Variants in KLHL1 observed in about 807,000 individuals in gnomAD.
KLHL1 encodes kelch like family member 1.
Under a neutral mutation model 77.7 loss-of-function variants are expected in KLHL1, and 47 were observed. The observed-to-expected ratio is 0.60, with a 90% CI of 0.48 to 0.77. The LOEUF (loss-of-function observed/expected upper bound fraction) is 0.77. KLHL1 is among the 30% of genes least tolerant of loss of function. KLHL1 has a pLI of 0.00. For synonymous variants in KLHL1, 360 were observed against 325.2 expected, an observed-to-expected ratio of 1.11 and a Z score of -1.15; for missense variants, 925 against 910.8, an observed-to-expected ratio of 1.02 and a Z score of -0.20.
At chr13:69,799,555 T>C (rs941873059) in intron 6 of KLHL1, among the ~76,000 whole-genome samples, 2 of 152,190 alleles carry the variant, frequency 1.3e-5, no homozygotes, top group Non-Finnish European at 2.9e-5. Flanking sequence ...TAGGAGCTCA[T>C]TTCCATCTTC....
At chr13:69,786,258 A>C (rs1490486042) in intron 7 of KLHL1, among the ~76,000 whole-genome samples, 2 of 152,212 alleles carry the variant, frequency 1.3e-5, no homozygotes, top group African/African-American at 2.4e-5. Context: ...AAAATCCTCA[A>C]TAAAATACTG....
intron 1 of KLHL1, among the ~76,000 whole-genome samples, chr13:70,023,522 C>A (rs1035553672): frequency 3.9e-5 from 6 of 151,914 alleles, no homozygotes; most frequent in African/African-American, 1.4e-4. Flanking sequence ...CTAACTGCCA[C>A]AAAATATTTT....
chr13:69,762,670 T>C (rs940012297), intron 7 of KLHL1, among the ~76,000 whole-genome samples: 2 of 148,762 alleles, frequency 1.3e-5, no homozygotes, highest in Admixed American at 6.9e-5. Context: ...CAGGGAAGTT[T>C]CTCCCCAGAA....
chr13:69,781,584 A>G (rs552400736), intron 7 of KLHL1, among the ~76,000 whole-genome samples: 1 of 152,088 alleles, frequency 6.6e-6, no homozygotes, highest in South Asian at 2.1e-4. Flanking sequence ...CTGCTCATTC[A>G]TGCTTGTTGT....
chr13:69,755,794 A>C (rs1874697044), intron 7 of KLHL1, among the ~76,000 whole-genome samples: 1 of 152,204 alleles, frequency 6.6e-6, no homozygotes, highest in Admixed American at 6.5e-5. Flanking sequence ...ATTAGATAAA[A>C]TTGAGGAAAT....
chr13:69,842,941 A>C (rs1030134504), intron 5 of KLHL1, among the ~76,000 whole-genome samples: 1 of 151,878 alleles, frequency 6.6e-6, no homozygotes, highest in African/African-American at 2.4e-5. Flanking sequence ...AGGCACTAAA[A>C]GACAAATATC....
chr13:70,059,154 C>A (rs1193308462), intron 1 of KLHL1, among the ~76,000 whole-genome samples: 1 of 140,580 alleles, frequency 7.1e-6, no homozygotes, highest in African/African-American at 2.8e-5. Flanking sequence ...ACAAATATTT[C>A]TTCTTTTTTT....
intron 4 of KLHL1, among the ~76,000 whole-genome samples, chr13:69,895,639 A>G (rs540310682): frequency 2.7e-4 from 41 of 152,036 alleles, no homozygotes; most frequent in Middle Eastern, 3.4e-3. Context: ...GGTTTCGCCA[A>G]GTGAAAATCA....
rs575836324 is a variant in KLHL1 at position 70,035,862 on chromosome 13, C to T, written c.498-60060G>A. Among the ~76,000 whole-genome samples the T allele has an allele frequency of 8.3e-4, 126 of 151,848 alleles. 1 individual carries two copies. Among genetic ancestry groups the T allele is most frequent in the African/African-American group, 3.0e-3 (123 of 41,462 alleles). Reference sequence around the variant, plus strand: ...TGGATATGTCTAGTATTTTAATTAACAATAATTCTCATCTATAGATGTAGA... The same window carrying T: ...TGGATATGTCTAGTATTTTAATTAATAATAATTCTCATCTATAGATGTAGA... On this transcript the variant is annotated intron_variant, in intron 1 of 10. Transcript: ENST00000377844.
At chr13:69,945,076 C>A (rs1214803305) in intron 3 of KLHL1, among the ~76,000 whole-genome samples, 4 of 148,704 alleles carry the variant, frequency 2.7e-5, no homozygotes, top group Non-Finnish European at 4.4e-5. Flanking sequence ...ACCTCCACCT[C>A]CCGGGTTCAA....
In KLHL1 at chr13:69,740,420, T is replaced by A; in HGVS notation, c.1776A>T (p.Thr592=). The A allele has an allele frequency of 6.2e-7, 1 of 1,607,848 alleles. No homozygotes were observed. The highest frequency in any genetic ancestry group is 8.5e-7 in the Non-Finnish European group (1 of 1,175,932). The part of the protein sequence containing the change: ...FVASMSIARS[T]VGVAALNGKL... ...TGCCATTCAATGCTGCTACACCAAC[T>A]GTGCTCCGAGCAATTGACATACTGG... Residue 592 remains threonine, a synonymous_variant, in exon 8 of 11, where the codon ACA becomes ACT. Coordinates refer to ENST00000377844, the MANE Select transcript of KLHL1 (RefSeq NM_020866.3).
rs77882787 is a variant in KLHL1, at chr13:69,992,955, C to G, written c.498-17153G>C. ...AAAACATGTACCTTTCTTACAGTGT[C>G]AGTAACTCAGCTGAAATTTTAAAAT... On this transcript the variant is annotated intron_variant, in intron 1 of 10. Transcript: ENST00000377844. Among the ~76,000 whole-genome samples, 14 of 151,604 alleles carry G rather than the reference C, an allele frequency of 9.2e-5. 1 individual carries two copies. In the East Asian group the frequency reaches 2.7e-3, roughly 29 times the overall value.
chr13:69,875,116 G>A (rs1306883419), intron 5 of KLHL1, among the ~76,000 whole-genome samples: 1 of 152,112 alleles, frequency 6.6e-6, no homozygotes, highest in East Asian at 1.9e-4. Context: ...CAAATCAACT[G>A]TGTCAAACAC....
At chr13:69,908,626 A>T (rs1256458516) in intron 4 of KLHL1, among the ~76,000 whole-genome samples, 1 of 151,480 alleles carries the variant, frequency 6.6e-6, no homozygotes, top group Non-Finnish European at 1.5e-5. Context: ...GAATTATTGC[A>T]TATGTTTTCA....
At chr13:69,880,905 T>C (rs976898010) in intron 5 of KLHL1, among the ~76,000 whole-genome samples, 1 of 152,162 alleles carries the variant, frequency 6.6e-6, no homozygotes, top group Non-Finnish European at 1.5e-5. Context: ...TCACAGCATC[T>C]GTCATTAACT....
intron 7 of KLHL1, among the ~76,000 whole-genome samples, chr13:69,771,771 A>G (rs916230245): frequency 2.0e-5 from 3 of 152,138 alleles, no homozygotes; most frequent in Non-Finnish European, 4.4e-5. Flanking sequence ...TTTTGAGTGA[A>G]TTCTATTTAA....
intron 2 of KLHL1, among the ~76,000 whole-genome samples, chr13:69,974,722 A>G (rs1313771542): frequency 6.6e-6 from 1 of 152,080 alleles, no homozygotes; most frequent in East Asian, 1.9e-4. Flanking sequence ...AATAGCTCTT[A>G]CGCTGAAGAA....
At chr13:69,893,372 C>T (rs1881503276) in intron 4 of KLHL1, among the ~76,000 whole-genome samples, 1 of 151,496 alleles carries the variant, frequency 6.6e-6, no homozygotes, top group Non-Finnish European at 1.5e-5. Context: ...GTAGCTGGGA[C>T]TACAGGCGCC....
At chr13:69,879,043 T>TAGTG (rs1294239895) in intron 5 of KLHL1, among the ~76,000 whole-genome samples, 1 of 152,058 alleles carries the variant, frequency 6.6e-6, no homozygotes, top group African/African-American at 2.4e-5. Flanking sequence ...TAGGTGGGAA[T>TAGTG]TGAACAATGA....
Sources: allele counts gnomAD v4.1 joint callset (sites outside exome capture counted in the v4.1 genomes callset), GRCh38; gene constraint gnomAD v4.1.1; transcripts MANE v1.5; gene names NCBI Gene and HGNC (gene_info 2026-07-23, HGNC 2026-07-21).